Variants in PXDNL observed in about 807,000 individuals in gnomAD.
PXDNL encodes the protein peroxidasin like, also known as probable oxidoreductase PXDNL.
PXDNL carries 145 observed loss-of-function variants against 150.8 expected under a neutral mutation model. The observed-to-expected ratio is 0.96, with a 90% CI of 0.84 to 1.10. The LOEUF is 1.10. Ranked by LOEUF, PXDNL falls within the 50% of genes least tolerant of loss-of-function variation. The pLI, the probability that PXDNL is intolerant of heterozygous loss-of-function variation, is 0.00. For missense variants in PXDNL, 2,087 were observed against 1,873.9 expected (o/e 1.11, Z -2.10); for synonymous variants, 757 against 725.7 (o/e 1.04, Z -0.69).
intron 3 of PXDNL, among the ~76,000 whole-genome samples, chr8:51,580,440 A>T (rs1813183836): frequency 6.6e-6 from 1 of 152,178 alleles, no homozygotes; most frequent in South Asian, 2.1e-4. Context: ...TGAATAAGTT[A>T]ACTGAAATCA....
intron 1 of PXDNL, among the ~76,000 whole-genome samples, chr8:51,808,715 C>T (rs1193521105): frequency 6.6e-6 from 1 of 152,154 alleles, no homozygotes; most frequent in East Asian, 1.9e-4. Context: ...CAGGACTTCA[C>T]CCTCCCAGGA....
chr8:51,447,688 T>A (rs994196246), intron 11 of PXDNL, among the ~76,000 whole-genome samples: 2 of 152,224 alleles, frequency 1.3e-5, no homozygotes, highest in African/African-American at 4.8e-5. Flanking sequence ...AGCCTCTGAA[T>A]CCTTCTTAAC....
chr8:51,393,936 G>GC (rs1222137205), intron 17 of PXDNL, among the ~76,000 whole-genome samples: 3 of 152,118 alleles, frequency 2.0e-5, no homozygotes, highest in Admixed American at 2.0e-4. Flanking sequence ...TTTTTTTAAG[G>GC]CATCTATTTT....
intron 18 of PXDNL, among the ~76,000 whole-genome samples, chr8:51,373,575 A>T (rs1807195593): frequency 6.6e-6 from 1 of 152,242 alleles, no homozygotes; most frequent in Admixed American, 6.5e-5. Flanking sequence ...AATGAAATAT[A>T]CTATTAATTG....
intron 8 of PXDNL, among the ~76,000 whole-genome samples, chr8:51,468,379 T>G (rs1029166674): frequency 2.0e-5 from 3 of 151,986 alleles, no homozygotes; most frequent in Non-Finnish European, 4.4e-5. Flanking sequence ...TTAAGTATGA[T>G]CTAATGATTT....
chr8:51,512,089 T>TAA (rs772977673), intron 4 of PXDNL, among the ~76,000 whole-genome samples: 1 of 151,274 alleles, frequency 6.6e-6, no homozygotes, highest in African/African-American at 2.4e-5. Context: ...ACCATTCCCA[T>TAA]AAAAAAAAAC....
intron 1 of PXDNL, among the ~76,000 whole-genome samples, chr8:51,702,182 G>A (rs1040484281): frequency 3.3e-5 from 5 of 152,150 alleles, no homozygotes; most frequent in Admixed American, 1.3e-4. Context: ...GGCACACCCT[G>A]TTATTTTATC....
chr8:51,760,898 G>A (rs1397515359), intron 1 of PXDNL, among the ~76,000 whole-genome samples: 4 of 104,908 alleles, frequency 3.8e-5, no homozygotes, highest in African/African-American at 1.5e-4. Context: ...TCGCTCTGTC[G>A]CCCAGGCTGG....
chr8:51,395,075 G>A (rs1808039051), intron 17 of PXDNL, among the ~76,000 whole-genome samples: 1 of 152,166 alleles, frequency 6.6e-6, no homozygotes, highest in Non-Finnish European at 1.5e-5. Context: ...CTACCCAGAG[G>A]CAGAGTTCCC....
At chr8:51,701,863 G>A (rs1816265254) in intron 1 of PXDNL, among the ~76,000 whole-genome samples, 1 of 152,208 alleles carries the variant, frequency 6.6e-6, no homozygotes, top group African/African-American at 2.4e-5. Context: ...GTGGTTCTTG[G>A]ATGGGAAATC....
intron 1 of PXDNL, among the ~76,000 whole-genome samples, chr8:51,761,314 C>T (rs1009574818): frequency 5.9e-5 from 9 of 152,122 alleles, no homozygotes; most frequent in Non-Finnish European, 7.4e-5. Context: ...GCTAACAGCT[C>T]TCTTCCTGAT....
At chr8:51,763,800 G>T (rs2037194606) in intron 1 of PXDNL, among the ~76,000 whole-genome samples, 1 of 152,070 alleles carries the variant, frequency 6.6e-6, no homozygotes, top group South Asian at 2.1e-4. Context: ...AATTATCCAT[G>T]TTGTAGCATG....
chr8:51,334,123 G>GGAAAT (rs879300273), intron 21 of PXDNL, among the ~76,000 whole-genome samples: 1 of 151,258 alleles, frequency 6.6e-6, no homozygotes, highest in Non-Finnish European at 1.5e-5. Flanking sequence ...AAGCATTCTC[G>GGAAAT]CAGACCACAG....
chr8:51,390,278 A>G (rs1807852244), intron 17 of PXDNL, among the ~76,000 whole-genome samples: 1 of 152,190 alleles, frequency 6.6e-6, no homozygotes, highest in South Asian at 2.1e-4. Context: ...AGTATTTGCA[A>G]AGGAGAATAT....
chr8:51,695,381 C>T (rs1057345005), intron 1 of PXDNL, among the ~76,000 whole-genome samples: 2 of 152,094 alleles, frequency 1.3e-5, no homozygotes, highest in African/African-American at 4.8e-5. Flanking sequence ...GCACTTAGCA[C>T]AGAATTGGCA....
intron 1 of PXDNL, among the ~76,000 whole-genome samples, chr8:51,767,885 T>A (rs1458628654): frequency 3.3e-5 from 5 of 152,220 alleles, no homozygotes; most frequent in Admixed American, 6.5e-5. Flanking sequence ...GTTACAGAGA[T>A]AATTATGAGT....
At chr8:51,689,102 T>A (rs1461322718) in intron 1 of PXDNL, among the ~76,000 whole-genome samples, 1 of 152,146 alleles carries the variant, frequency 6.6e-6, no homozygotes, top group Non-Finnish European at 1.5e-5. Flanking sequence ...ATGGGGCCCA[T>A]CTGTTCAAAC....
At chr8:51,689,012 G>A (rs4873572) in intron 1 of PXDNL, among the ~76,000 whole-genome samples, 112,660 of 151,998 alleles carry the variant, frequency 0.74, 41,919 homozygotes, top group East Asian at 0.8. Flanking sequence ...CCCTTGCCAC[G>A]CCATTAGGAA....
At chr8:51,413,117 C>G (rs766141147) in intron 15 of PXDNL, 33 bp downstream of exon 15, 2 of 1,270,504 alleles carry the variant, frequency 1.6e-6, no homozygotes, top group African/African-American at 2.9e-5. Context: ...GAAATGAAAA[C>G]AAGGTTTCAA....
Sources: gnomAD v4.1 joint callset for allele counts (sites outside exome capture counted in the v4.1 genomes callset) on GRCh38, gnomAD v4.1.1 for gene constraint, MANE v1.5 for transcripts, NCBI Gene and HGNC (gene_info 2026-07-23, HGNC 2026-07-21) for gene names.